ANKRD36C: variants seen among roughly 807,000 people sequenced by gnomAD.
The protein encoded by ANKRD36C is ankyrin repeat domain 36C, also known as ankyrin repeat domain-containing protein 36C.
A neutral mutation model predicts 276.4 loss-of-function variants in ANKRD36C; 61 were observed. That is an observed-to-expected ratio of 0.22 (90% CI 0.18 to 0.27). The LOEUF (loss-of-function observed/expected upper bound fraction) is 0.27. Ranked by LOEUF, ANKRD36C falls within the 10% of genes least tolerant of loss-of-function variation. The probability of loss-of-function intolerance (pLI) is 1.00; values close to 1 mark genes in which losing one functional copy is unlikely to be tolerated. For synonymous variants in ANKRD36C, 483 were observed against 680.1 expected (o/e 0.71, Z 4.51); for missense variants, 1,447 against 2,032.3 (o/e 0.71, Z 5.54).
chr2:95,892,317 C>T (rs1381757407), intron 44 of ANKRD36C, among the ~76,000 whole-genome samples: 2 of 151,506 alleles, frequency 1.3e-5, no homozygotes. Context: ...TGAGAAGGCA[C>T]ACAATTACGA....
chr2:95,873,696 G>C (rs538897717), intron 59 of ANKRD36C, among the ~76,000 whole-genome samples: 2 of 152,218 alleles, frequency 1.3e-5, no homozygotes, highest in African/African-American at 2.4e-5. Flanking sequence ...GGCAGGAGAA[G>C]GAAATAAAGG....
At chr2:95,941,758 C>T (rs1028830787) in intron 19 of ANKRD36C, among the ~76,000 whole-genome samples, 4 of 152,424 alleles carry the variant, frequency 2.6e-5, no homozygotes. Context: ...TGAGTTAGAT[C>T]AAAGTAAACA....
At chr2:95,953,152 T>G (rs2104489367) in intron 14 of ANKRD36C, among the ~76,000 whole-genome samples, 1 of 152,252 alleles carries the variant, frequency 6.6e-6, no homozygotes, top group East Asian at 1.9e-4. Flanking sequence ...TAAAGTATAC[T>G]CTAAATAAAA....
chr2:95,889,972 G>A, exon 47 of ANKRD36C: 1 of 1,609,780 alleles, frequency 6.2e-7, no homozygotes, highest in Non-Finnish European at 8.5e-7. Context: ...TTACCTTCAA[G>A]GCTGGTTGTT....
downstream of ANKRD36C, among the ~76,000 whole-genome samples, chr2:95,850,041 C>G (rs1458297093): frequency 6.6e-6 from 1 of 152,196 alleles, no homozygotes; most frequent in Non-Finnish European, 1.5e-5. Context: ...AATGATTTCA[C>G]AGTTAACTAA....
chr2:95,852,231 A>G, intron 64 of ANKRD36C, 35 bp from the exon 85 acceptor site: 3 of 1,412,212 alleles, frequency 2.1e-6, no homozygotes, highest in Non-Finnish European at 3.0e-6. Context: ...TACATTTGGA[A>G]ATGACCTAAA....
intron 60 of ANKRD36C, among the ~76,000 whole-genome samples, chr2:95,860,329 A>G (rs1033979661): frequency 6.6e-6 from 1 of 152,174 alleles, no homozygotes; most frequent in Non-Finnish European, 1.5e-5. Context: ...TGTAAAAAAA[A>G]AAAAAAACAT....
exon 63 of ANKRD36C, chr2:95,855,354 A>G: frequency 6.2e-7 from 1 of 1,612,904 alleles, no homozygotes; most frequent in Non-Finnish European, 8.5e-7. Context: ...GTCTTCTTCT[A>G]GTAAGAGACG....
At chr2:95,989,973 A>G (rs1284294727) in intron 1 of ANKRD36C, among the ~76,000 whole-genome samples, 1 of 152,220 alleles carries the variant, frequency 6.6e-6, no homozygotes, top group African/African-American at 2.4e-5. Flanking sequence ...CTGTAAAATG[A>G]AAATCACTTT....
At chr2:95,860,333 A>G (rs929247469) in intron 60 of ANKRD36C, among the ~76,000 whole-genome samples, 14 of 152,178 alleles carry the variant, frequency 9.2e-5, no homozygotes, top group African/African-American at 3.4e-4. Context: ...AAAAAAAAAA[A>G]AAACATAGTT....
At chr2:95,910,483 G>C (rs536392694) in intron 42 of ANKRD36C, 38 bp from the exon 46 acceptor site, 1 of 1,598,506 alleles carries the variant, frequency 6.3e-7, no homozygotes, top group South Asian at 1.1e-5. Context: ...AATAAATAAA[G>C]TATGTTTCAT....
intron 58 of ANKRD36C, among the ~76,000 whole-genome samples, chr2:95,876,836 A>G (rs1371319038): frequency 7.5e-6 from 1 of 133,820 alleles, no homozygotes; most frequent in Admixed American, 8.0e-5. Context: ...CCTGGGTGGC[A>G]GAGCGAGACT....
At chr2:95,870,850 C>T (rs536128774) in intron 59 of ANKRD36C, among the ~76,000 whole-genome samples, 3 of 152,158 alleles carry the variant, frequency 2.0e-5, no homozygotes, top group South Asian at 2.1e-4. Flanking sequence ...AGCCGAGGCT[C>T]GAGAACTATG....
intron 1 of ANKRD36C, among the ~76,000 whole-genome samples, chr2:95,988,074 G>A (rs1039276800): frequency 2.0e-5 from 3 of 150,872 alleles, no homozygotes; most frequent in African/African-American, 4.9e-5. Context: ...CTTACATTAA[G>A]TGGGATACAG....
At chr2:95,948,493 G>C (rs199616725) in intron 17 of ANKRD36C, 37 bp downstream of exon 17, 178 of 1,489,984 alleles carry the variant, frequency 1.2e-4, no homozygotes, top group Non-Finnish European at 1.4e-4. Context: ...AATGAGATTC[G>C]GAGTGAGAAA....
At chr2:95,972,953 C>T (rs1468279154) in intron 6 of ANKRD36C, among the ~76,000 whole-genome samples, 6 of 152,076 alleles carry the variant, frequency 3.9e-5, no homozygotes, top group Admixed American at 1.3e-4. Context: ...TTTATAATAA[C>T]TGGGGATCAG....
chr2:95,970,748 A>G (rs1258442092), intron 6 of ANKRD36C, among the ~76,000 whole-genome samples: 1 of 152,218 alleles, frequency 6.6e-6, no homozygotes, highest in African/African-American at 2.4e-5. Flanking sequence ...TGCCTACAGT[A>G]TTCACTAGCT....
At chr2:95,940,978 CAATT>C (rs1191937012) in intron 20 of ANKRD36C, among the ~76,000 whole-genome samples, 178 bp downstream of exon 20, 12 of 147,920 alleles carry the variant, frequency 8.1e-5, no homozygotes, top group South Asian at 2.1e-4. Flanking sequence ...TGTAATTTAA[CAATT>C]AATTTAATTT....
At chr2:95,912,579 A>G in intron 40 of ANKRD36C, 144 bp from the exon 43 acceptor site, 6 of 1,476,444 alleles carry the variant, frequency 4.1e-6, no homozygotes, top group Non-Finnish European at 4.6e-6. Context: ...TCTGGGGACC[A>G]GAACGTGACA....
Sources: allele counts gnomAD v4.1 joint callset (sites outside exome capture counted in the v4.1 genomes callset), GRCh38; gene constraint gnomAD v4.1.1; transcripts MANE v1.5; gene names NCBI Gene and HGNC (gene_info 2026-07-23, HGNC 2026-07-21).